Variants in CHRM2 observed in about 807,000 individuals in gnomAD.
The protein encoded by CHRM2 is muscarinic acetylcholine receptor M2.
CHRM2 carries 8 observed loss-of-function variants against 25.0 expected under a neutral mutation model. That is an observed-to-expected ratio of 0.32 (90% CI 0.19 to 0.58). The LOEUF is 0.58. CHRM2 is among the 20% of genes least tolerant of loss of function. The pLI, the probability that CHRM2 is intolerant of heterozygous loss-of-function variation, is 0.88. For missense variants in CHRM2, 440 were observed against 567.1 expected, an observed-to-expected ratio of 0.78 and a Z score of 2.28; for synonymous variants, 202 against 205.7, an observed-to-expected ratio of 0.98 and a Z score of 0.15.
At position 137,016,541 on chromosome 7, in the gene CHRM2, T is replaced by C; in HGVS notation, c.*275T>C. The C allele has an allele frequency of 2.4e-6, 1 of 411,356 alleles. No individual in the cohort carries two copies. The highest frequency in any genetic ancestry group is 4.6e-6 in the Non-Finnish European group (1 of 216,648). 25.5% of individuals were successfully genotyped at this position (411,356 alleles called of 1,614,324 possible). On this transcript the variant is annotated 3_prime_UTR_variant, in exon 4 of 4. Coordinates refer to ENST00000680005, the MANE Select transcript of CHRM2 (RefSeq NM_001006630.2). ...AAACTATACACTGTTTCTCATAATC[T>C]CTTGAAGAAGGGCTTCTGATTCTAC...
chr7:137,016,067 C>G lies in CHRM2; in HGVS notation c.1202C>G (p.Ala401Gly), dbSNP rs1805169767. 6.2e-7 allele frequency: 1 copy of G among 1,612,620 alleles called. No individual in the cohort carries two copies. The highest frequency in any genetic ancestry group is 8.5e-7 in the Non-Finnish European group (1 of 1,179,232). Residue 401 changes from alanine (A) to glycine (G), a missense_variant, in exon 4 of 4, where the codon GCC becomes GGC. By Grantham distance (60) the Ala-to-Gly change is moderately conservative. Around this residue, in one of 5 missense-constraint regions of CHRM2, gnomAD observed 65 missense variants for 108.9 expected, o/e 0.60. Coordinates refer to ENST00000680005, the MANE Select transcript of CHRM2 (RefSeq NM_001006630.2). ...AILLAFIITW[A>G]PYNVMVLINT... ...CTGTTGGCTTTCATCATCACTTGGG[C>G]CCCATACAATGTCATGGTGCTCATT...
intron 2 of CHRM2, among the ~76,000 whole-genome samples, chr7:136,930,372 A>G (rs1798992085): frequency 6.6e-6 from 1 of 152,040 alleles, no homozygotes; most frequent in Non-Finnish European, 1.5e-5. Context: ...AGCATCTTAC[A>G]TGTCTTAACT....
At chr7:136,929,545 TTTA>T (rs1798941364) in intron 2 of CHRM2, among the ~76,000 whole-genome samples, 2 of 152,178 alleles carry the variant, frequency 1.3e-5, no homozygotes, top group African/African-American at 4.8e-5. Flanking sequence ...TGCTAGTCCC[TTTA>T]TTTTCTCCCT....
At chr7:136,941,124 G>A (rs961665075) in intron 2 of CHRM2, among the ~76,000 whole-genome samples, 3 of 152,156 alleles carry the variant, frequency 2.0e-5, no homozygotes. Context: ...GCTTTTCTTA[G>A]TACAATTCAT....
intron 3 of CHRM2, among the ~76,000 whole-genome samples, chr7:136,994,521 C>CTTTTCTTTTTTTTTTTTTT (rs1563113907): frequency 1.4e-5 from 1 of 71,416 alleles, no homozygotes; most frequent in Admixed American, 1.5e-4. Context: ...TTTTTCTTTT[C>CTTTTCTTTTTTTTTTTTTT]TTTTTTTTTT....
At chr7:136,971,120 G>C (rs1325377730) in intron 2 of CHRM2, among the ~76,000 whole-genome samples, 1 of 152,118 alleles carries the variant, frequency 6.6e-6, no homozygotes, top group Non-Finnish European at 1.5e-5. Context: ...ACAGAAACTT[G>C]GAAACATTAG....
At chr7:136,956,018 C>G (rs1800702555) in intron 2 of CHRM2, among the ~76,000 whole-genome samples, 1 of 152,022 alleles carries the variant, frequency 6.6e-6, no homozygotes, top group Non-Finnish European at 1.5e-5. Context: ...TTCCCTCATC[C>G]TTATACTACT....
chr7:136,989,224 T>G (rs202182375), intron 2 of CHRM2, among the ~76,000 whole-genome samples: 30,282 of 150,960 alleles, frequency 0.2, 3,027 homozygotes, highest in East Asian at 0.32. Flanking sequence ...GGTTAAAGAT[T>G]TTTGTTTTTA....
At chr7:136,919,118 A>G (rs1161421221) in intron 2 of CHRM2, among the ~76,000 whole-genome samples, 2 of 152,096 alleles carry the variant, frequency 1.3e-5, no homozygotes, top group Admixed American at 6.6e-5. Context: ...AAGACATGTT[A>G]TAATATTTTA....
intron 2 of CHRM2, among the ~76,000 whole-genome samples, chr7:136,913,395 C>T (rs1797945457): frequency 6.6e-6 from 1 of 151,874 alleles, no homozygotes; most frequent in Non-Finnish European, 1.5e-5. Flanking sequence ...CCTTGGGAAC[C>T]TAACAGAAGT....
intron 2 of CHRM2, chr7:136,938,471 C>T (rs369282891): frequency 6.2e-6 from 7 of 1,133,962 alleles, no homozygotes; most frequent in African/African-American, 4.6e-5. Flanking sequence ...TGGATGCGCA[C>T]GGCCTGGATG....
intron 2 of CHRM2, chr7:136,871,499 T>C (rs146222447): frequency 6.5e-5 from 10 of 152,814 alleles, no homozygotes; most frequent in African/African-American, 2.4e-4. Flanking sequence ...AATGAAGCTT[T>C]TAATAAACTC....
chr7:136,960,456 C>T (rs1801002508), intron 2 of CHRM2, among the ~76,000 whole-genome samples: 2 of 152,340 alleles, frequency 1.3e-5, no homozygotes, highest in East Asian at 1.9e-4. Flanking sequence ...ATCCTATTCA[C>T]TCATTCCCAG....
chr7:136,888,623 T>C (rs6969811), intron 2 of CHRM2, among the ~76,000 whole-genome samples: 23,111 of 152,126 alleles, frequency 0.15, 2,103 homozygotes, highest in East Asian at 0.42. Context: ...ATGAGCCCTG[T>C]GCCTCATGAT....
intron 2 of CHRM2, among the ~76,000 whole-genome samples, chr7:136,971,618 C>CAAAAA (rs10708408): frequency 3.2e-5 from 3 of 92,920 alleles, no homozygotes; most frequent in East Asian, 3.2e-4. Context: ...CTCTGTTTCA[C>CAAAAA]AAAAAAAAAA....
chr7:137,007,469 C>T (rs1025651021), intron 3 of CHRM2, among the ~76,000 whole-genome samples: 8 of 152,170 alleles, frequency 5.3e-5, no homozygotes, highest in Non-Finnish European at 1.2e-4. Context: ...CTCCTTGCGG[C>T]CACCACCCCC....
At chr7:136,885,166 G>T (rs1456456281) in intron 2 of CHRM2, among the ~76,000 whole-genome samples, 3 of 152,110 alleles carry the variant, frequency 2.0e-5, no homozygotes, top group Admixed American at 1.3e-4. Context: ...ATTTGGACAG[G>T]GATGGCAATT....
chr7:136,988,740 C>G (rs1017670303), intron 2 of CHRM2, among the ~76,000 whole-genome samples: 35 of 152,034 alleles, frequency 2.3e-4, no homozygotes, highest in African/African-American at 8.5e-4. Flanking sequence ...AATAAAGCAC[C>G]AAGTGCATCT....
At chr7:136,890,672 C>T (rs1796657056) in intron 2 of CHRM2, among the ~76,000 whole-genome samples, 1 of 152,122 alleles carries the variant, frequency 6.6e-6, no homozygotes, top group Non-Finnish European at 1.5e-5. Context: ...GAAGAGGATG[C>T]AGTGTGGTTT....
Sources: gnomAD v4.1 joint callset for allele counts (sites outside exome capture counted in the v4.1 genomes callset) on GRCh38, gnomAD v4.1.1 for gene constraint, gnomAD v4.1.1 regional missense constraint, MANE v1.5 for transcripts, NCBI Gene and HGNC (gene_info 2026-07-23, HGNC 2026-07-21) for gene names.